Variants in BRINP3 observed in about 807,000 individuals in gnomAD.
The protein encoded by BRINP3 is BMP/retinoic acid-inducible neural-specific protein 3.
Under a neutral mutation model 71.0 loss-of-function variants are expected in BRINP3, and 19 were observed. The observed-to-expected ratio is 0.27, with a 90% CI of 0.19 to 0.39. The LOEUF is 0.39. Ranked by LOEUF, BRINP3 falls within the 10% of genes least tolerant of loss-of-function variation. The pLI, the probability that BRINP3 is intolerant of heterozygous loss-of-function variation, is 1.00. For synonymous variants in BRINP3, 380 were observed against 337.7 expected (o/e 1.13, Z -1.37); for missense variants, 959 against 940.8 (o/e 1.02, Z -0.25).
chr1:190,457,629 T>G lies in BRINP3; in HGVS notation c.-50-2689A>C, dbSNP rs74965271. Among the ~76,000 whole-genome samples the G allele has an allele frequency of 4.6e-5, 7 of 152,300 alleles. No homozygotes were observed. In the East Asian group the frequency reaches 1.4e-3, roughly 29 times the overall value. ...AATATTTGTAAAATCCCTAGAATAG[T>G]GCCTACCATATGGTAAGGACATGTG... On this transcript the variant is annotated intron_variant, in intron 1 of 7. Coordinates refer to ENST00000367462, the MANE Select transcript of BRINP3 (RefSeq NM_199051.3).
At chr1:190,124,252 GCT>G (rs1435526358) in intron 7 of BRINP3, among the ~76,000 whole-genome samples, 1 of 152,102 alleles carries the variant, frequency 6.6e-6, no homozygotes, top group African/African-American at 2.4e-5. Context: ...TTCTGTGAGT[GCT>G]CTCTCACCCT....
rs114456916 is a variant in BRINP3 at position 190,330,707 on chromosome 1, A to G, written c.237-48957T>C. Among the ~76,000 whole-genome samples, 235 of 152,254 alleles carry G rather than the reference A, an allele frequency of 1.5e-3. 1 individual carries two copies. The highest frequency in any genetic ancestry group is 5.4e-3 in the African/African-American group (224 of 41,574). On this transcript the variant is annotated intron_variant, in intron 2 of 7. Transcript: ENST00000367462. Reference sequence around the variant, plus strand: ...CATGTTCATTGTCCCACTATTCTCAATAGCAAAGACATGGAATCAACATAA... The same window carrying G: ...CATGTTCATTGTCCCACTATTCTCAGTAGCAAAGACATGGAATCAACATAA...
At chr1:190,231,925 AG>A (rs796085723) in intron 5 of BRINP3, among the ~76,000 whole-genome samples, 5 of 152,064 alleles carry the variant, frequency 3.3e-5, no homozygotes, top group African/African-American at 9.6e-5. Flanking sequence ...ATTCCACTTC[AG>A]GAACAATTTT....
intron 6 of BRINP3, among the ~76,000 whole-genome samples, chr1:190,215,943 T>A (rs1362058171): frequency 6.6e-6 from 1 of 151,826 alleles, no homozygotes; most frequent in Non-Finnish European, 1.5e-5. Context: ...ATCTCTTTAT[T>A]TTTCCTTAGG....
chr1:190,367,896 T>C (rs1207045127), intron 2 of BRINP3, among the ~76,000 whole-genome samples: 1 of 152,158 alleles, frequency 6.6e-6, no homozygotes, highest in Admixed American at 6.5e-5. Flanking sequence ...TTCCAAACTT[T>C]CCCACATCTT....
chr1:190,117,422 T>G (rs2102304323), intron 7 of BRINP3, among the ~76,000 whole-genome samples: 1 of 152,140 alleles, frequency 6.6e-6, no homozygotes, highest in Non-Finnish European at 1.5e-5. Flanking sequence ...ATTATGAAAA[T>G]TTCAAACATA....
chr1:190,429,341 A>G (rs1215808951), intron 2 of BRINP3, among the ~76,000 whole-genome samples: 2 of 152,194 alleles, frequency 1.3e-5, no homozygotes, highest in African/African-American at 4.8e-5. Context: ...TGGTTTTTAC[A>G]TAATTTGGAA....
chr1:190,428,513 G>C (rs1176935936), intron 2 of BRINP3, among the ~76,000 whole-genome samples: 1 of 151,854 alleles, frequency 6.6e-6, no homozygotes, highest in East Asian at 1.9e-4. Context: ...TACAGAGGTC[G>C]TCTGAAATTT....
At chr1:190,177,549 T>G (rs2102522560) in intron 6 of BRINP3, among the ~76,000 whole-genome samples, 1 of 152,074 alleles carries the variant, frequency 6.6e-6, no homozygotes, top group Non-Finnish European at 1.5e-5. Context: ...ATAACAAATC[T>G]AAATGCATTA....
intron 4 of BRINP3, among the ~76,000 whole-genome samples, chr1:190,263,573 A>AGTT (rs1445237718): frequency 1.3e-5 from 2 of 150,096 alleles, no homozygotes; most frequent in Non-Finnish European, 3.0e-5. Flanking sequence ...TTAAGTTGAA[A>AGTT]GTTGAAGTAG....
rs528566873 is a variant in BRINP3 at position 190,179,674 on chromosome 1, T to C, written c.962-18784A>G. ...AAGGAGTCTCTCAATGAAAACAAGA[T>C]AAAATTTGCTTTGCATATAAAGTGA... On this transcript the variant is annotated intron_variant, in intron 6 of 7. Transcript: ENST00000367462. Among the ~76,000 whole-genome samples, 7 of 152,254 alleles carry C rather than the reference T, an allele frequency of 4.6e-5. No individual in the cohort carries two copies. The South Asian group carries it at 1.2e-3, about 27-fold the overall frequency.
chr1:190,399,397 G>T (rs1671784921), intron 2 of BRINP3, among the ~76,000 whole-genome samples: 1 of 151,896 alleles, frequency 6.6e-6, no homozygotes, highest in African/African-American at 2.4e-5. Flanking sequence ...GTGATCCTTT[G>T]TGCCCTTTCA....
At chr1:190,410,658 C>G (rs575192322) in intron 2 of BRINP3, among the ~76,000 whole-genome samples, 2 of 151,880 alleles carry the variant, frequency 1.3e-5, no homozygotes, top group Non-Finnish European at 2.9e-5. Context: ...AAGACTAAAT[C>G]GTTTTAGAAG....
At chr1:190,260,547 T>G (rs2102858109) in intron 4 of BRINP3, among the ~76,000 whole-genome samples, 1 of 151,628 alleles carries the variant, frequency 6.6e-6, no homozygotes, top group African/African-American at 2.4e-5. Context: ...TTTAAAAACA[T>G]ATATATATAT....
chr1:190,459,127 C>A (rs1254156640), intron 1 of BRINP3, among the ~76,000 whole-genome samples: 2 of 144,838 alleles, frequency 1.4e-5, no homozygotes, highest in East Asian at 2.0e-4. Context: ...CTCTTAAATT[C>A]TTTCTCACAA....
At chr1:190,445,175 A>C (rs1262157126) in intron 2 of BRINP3, among the ~76,000 whole-genome samples, 2 of 152,138 alleles carry the variant, frequency 1.3e-5, no homozygotes, top group Non-Finnish European at 2.9e-5. Context: ...ATTTCAAAAA[A>C]CCAAAAAACT....
chr1:190,294,574 C>G (rs1305091290), intron 2 of BRINP3, among the ~76,000 whole-genome samples: 1 of 152,020 alleles, frequency 6.6e-6, no homozygotes, highest in African/African-American at 2.4e-5. Flanking sequence ...ATTTTCAGTT[C>G]CTGGCTGAGA....
At chr1:190,368,815 G>A (rs866222754) in intron 2 of BRINP3, among the ~76,000 whole-genome samples, 2 of 152,136 alleles carry the variant, frequency 1.3e-5, no homozygotes, top group Non-Finnish European at 2.9e-5. Context: ...AATCACTTAC[G>A]TCTTTAGATG....
chr1:190,322,808 G>A (rs1332432239), intron 2 of BRINP3, among the ~76,000 whole-genome samples: 1 of 151,948 alleles, frequency 6.6e-6, no homozygotes, highest in Admixed American at 6.6e-5. Context: ...GTTCTACACT[G>A]TATGATTTTT....
Sources: allele counts gnomAD v4.1 joint callset (sites outside exome capture counted in the v4.1 genomes callset), GRCh38; gene constraint gnomAD v4.1.1; transcripts MANE v1.5; gene names NCBI Gene and HGNC (gene_info 2026-07-23, HGNC 2026-07-21).